JPH1: variants seen among roughly 807,000 people sequenced by gnomAD.
JPH1 encodes junctophilin 1.
In JPH1, 12 loss-of-function variants were observed where a neutral mutation model predicts 53.6. That is an observed-to-expected ratio of 0.22 (90% confidence interval 0.14 to 0.36). The LOEUF (loss-of-function observed/expected upper bound fraction) is 0.36. JPH1 is among the 10% of genes least tolerant of loss of function. The probability of loss-of-function intolerance (pLI) is 1.00; values close to 1 mark genes in which losing one functional copy is unlikely to be tolerated. For synonymous variants in JPH1, 375 were observed against 363.8 expected, an observed-to-expected ratio of 1.03 and a Z score of -0.35; for missense variants, 808 against 905.5, an observed-to-expected ratio of 0.89 and a Z score of 1.38.
intron 2 of JPH1, among the ~76,000 whole-genome samples, chr8:74,294,483 A>G (rs1421789276): frequency 6.6e-6 from 1 of 152,224 alleles, no homozygotes; most frequent in East Asian, 1.9e-4. Flanking sequence ...AGTCAAAATG[A>G]GCACTAGGCA....
chr8:74,303,816 C>A (rs1274327711), intron 2 of JPH1, among the ~76,000 whole-genome samples: 2 of 152,124 alleles, frequency 1.3e-5, no homozygotes, highest in East Asian at 3.9e-4. Context: ...CCACCTGCAG[C>A]CAGAGTGATC....
chr8:74,311,831 C>G (rs1808005650), intron 2 of JPH1, among the ~76,000 whole-genome samples: 1 of 152,046 alleles, frequency 6.6e-6, no homozygotes, highest in African/African-American at 2.4e-5. Context: ...TCATCCATGT[C>G]CCTACAAAGG....
At chr8:74,292,035 G>A (rs1266537472) in intron 2 of JPH1, among the ~76,000 whole-genome samples, 3 of 152,150 alleles carry the variant, frequency 2.0e-5, no homozygotes, top group Non-Finnish European at 4.4e-5. Context: ...GTGGGGTGGG[G>A]GAGGGGGCAG....
chr8:74,286,194 C>G (rs1038161743), intron 2 of JPH1, among the ~76,000 whole-genome samples: 1 of 152,216 alleles, frequency 6.6e-6, no homozygotes, highest in African/African-American at 2.4e-5. Context: ...TCACCTTACA[C>G]ATTTCCAAGT....
At chr8:74,311,065 A>C (rs772435790) in intron 2 of JPH1, among the ~76,000 whole-genome samples, 4 of 152,326 alleles carry the variant, frequency 2.6e-5, no homozygotes. Context: ...AGCTGGGACT[A>C]CAGGCGTATG....
Position 74,244,425 on chromosome 8 carries a change from C to A in JPH1, c.1905+104G>T, listed in dbSNP as rs947213149. 4.7e-6 allele frequency: 6 copies of A among 1,267,000 alleles called. No homozygotes were observed. The Admixed American group carries it at 1.4e-4, about 29-fold the overall frequency. 78.5% of individuals were successfully genotyped at this position (1,267,000 alleles called of 1,614,324 possible). A position where few individuals can be genotyped will look rare whatever the true frequency, so the allele number is the denominator to read the frequency against. On this transcript the variant is annotated intron_variant, in intron 4 of 5. Coordinates refer to ENST00000342232, the MANE Select transcript of JPH1 (RefSeq NM_020647.4). The stretch of plus-strand genomic sequence containing the variant: ...TCTAAACAACCCTGTGCTTCTAGAA[C>A]CTTGGTTAGCCTGGCTGTGATCAAG...
At chr8:74,278,529 A>C (rs909606449) in intron 2 of JPH1, among the ~76,000 whole-genome samples, 1 of 152,158 alleles carries the variant, frequency 6.6e-6, no homozygotes, top group African/African-American at 2.4e-5. Context: ...GAATGCTGCC[A>C]CCAGAAGACA....
At chr8:74,242,702 A>C (rs1167640509) in intron 4 of JPH1, among the ~76,000 whole-genome samples, 1 of 152,204 alleles carries the variant, frequency 6.6e-6, no homozygotes, top group Non-Finnish European at 1.5e-5. Context: ...TGAAGGTGTC[A>C]AGTCGGTCTT....
Position 74,315,559 on chromosome 8 carries a change from C to T in JPH1, c.441G>A (p.Val147=). The change falls in exon 2 of 6, where the codon GTG becomes GTA. Residue 147 remains valine (V), a synonymous_variant. Coordinates refer to ENST00000342232, the MANE Select transcript of JPH1 (RefSeq NM_020647.4). The surrounding 1 kb of genome is among the most constrained non-coding windows in gnomAD (Gnocchi z 6.3). The stretch of plus-strand genomic sequence containing the variant: ...GGATCACCGTGGCCATGCCGTAGGG[C>T]ACGCTCTGGCGCACGCCGTAGCCAT... The part of the protein sequence containing the change: ...MRHGYGVRQS[V]PYGMATVIRS... 6.2e-7 allele frequency: 1 copy of T among 1,605,942 alleles called. No individual in the cohort carries two copies. The highest frequency in any genetic ancestry group is 8.5e-7 in the Non-Finnish European group (1 of 1,178,454).
intron 2 of JPH1, among the ~76,000 whole-genome samples, chr8:74,303,728 C>T (rs1022947943): frequency 2.0e-5 from 3 of 152,036 alleles, no homozygotes; most frequent in Admixed American, 6.6e-5. Flanking sequence ...GGATTAAAGA[C>T]GTGAGCCACT....
Position 74,244,870 on chromosome 8 carries a change from C to G in JPH1, c.1564G>C (p.Glu522Gln). 6.2e-7 allele frequency: 1 copy of G among 1,614,178 alleles called. No homozygotes were observed. The highest frequency in any genetic ancestry group is 8.5e-7 in the Non-Finnish European group (1 of 1,180,038). Residue 522 changes from glutamate (E) to glutamine (Q), a missense_variant, in exon 4 of 6, where the codon GAG becomes CAG. This residue lies in a region of JPH1 where 756 missense variants were observed against 811.9 expected (regional missense o/e 0.93). Coordinates refer to ENST00000342232, the MANE Select transcript of JPH1 (RefSeq NM_020647.4). ...GACTGGGGCACAACCGCTCCTGCCTCCTTCGTGGGAGCCTTTGACATCAAG... is the reference window on the plus strand; with the variant it reads ...GACTGGGGCACAACCGCTCCTGCCTGCTTCGTGGGAGCCTTTGACATCAAG... ...KPLMSKAPTKEAGAVVPQSKY... is the reference protein window; with the variant it reads ...KPLMSKAPTKQAGAVVPQSKY...
chr8:74,246,437 C>T (rs1437891867), intron 3 of JPH1, among the ~76,000 whole-genome samples: 2 of 152,206 alleles, frequency 1.3e-5, no homozygotes, highest in Non-Finnish European at 2.9e-5. Flanking sequence ...TGCACACTTA[C>T]ACTTGTAATT....
intron 3 of JPH1, among the ~76,000 whole-genome samples, chr8:74,248,923 C>G (rs188445292): frequency 6.6e-6 from 1 of 152,274 alleles, no homozygotes; most frequent in Non-Finnish European, 1.5e-5. Flanking sequence ...TTGTTGCAGT[C>G]AGCATTTTCA....
intron 2 of JPH1, among the ~76,000 whole-genome samples, chr8:74,265,331 T>C (rs531346458): frequency 7.9e-5 from 12 of 152,310 alleles, no homozygotes; most frequent in Admixed American, 2.0e-4. Context: ...TAAGTACTTA[T>C]TTTTAATTAA....
intron 2 of JPH1, among the ~76,000 whole-genome samples, chr8:74,264,299 T>C (rs1806473521): frequency 6.6e-6 from 1 of 152,214 alleles, no homozygotes; most frequent in African/African-American, 2.4e-5. Flanking sequence ...ATGTTAATTT[T>C]CTCCATAAAT....
At chr8:74,256,916 T>C (rs937821592) in intron 3 of JPH1, among the ~76,000 whole-genome samples, 1 of 152,226 alleles carries the variant, frequency 6.6e-6, no homozygotes, top group Non-Finnish European at 1.5e-5. Context: ...TAACAACTTC[T>C]ATGCACGAAC....
rs1264391520 is a variant in JPH1 at position 74,235,504 on chromosome 8, A to C, written c.*1547T>G. ...AAAAGGTAGCTAATATGGTGTAAAAAAAAAAAAAAATCTGATTAAACCATG... is the reference window on the plus strand; with the variant it reads ...AAAAGGTAGCTAATATGGTGTAAAACAAAAAAAAAATCTGATTAAACCATG... On this transcript the variant is annotated 3_prime_UTR_variant, in exon 6 of 6. Transcript: ENST00000342232. 1 of 152,596 alleles carries C rather than the reference A, an allele frequency of 6.6e-6. No individual in the cohort carries two copies. The highest frequency in any genetic ancestry group is 1.5e-5 in the Non-Finnish European group (1 of 68,018). The allele number at this position is 152,596 out of a possible 1,614,324, so 9.5% of individuals were successfully genotyped here.
In JPH1 at chr8:74,244,843, T is replaced by C; in HGVS notation, c.1591A>G (p.Lys531Glu). Reference protein sequence around the residue: ...KEAGAVVPQSKYSGRHHIPNP... With the variant: ...KEAGAVVPQSEYSGRHHIPNP... ...GGGATGTGGTGGCGGCCAGAGTACTTGGACTGGGGCACAACCGCTCCTGCC... is the reference window on the plus strand; with the variant it reads ...GGGATGTGGTGGCGGCCAGAGTACTCGGACTGGGGCACAACCGCTCCTGCC... Residue 531 changes from lysine to glutamate, a missense_variant, in exon 4 of 6, where the codon AAG (lysine) becomes GAG (glutamate). Physicochemically the swap from Lys to Glu is moderately conservative, Grantham distance 56. Coordinates refer to ENST00000342232, the MANE Select transcript of JPH1 (RefSeq NM_020647.4). 6.2e-7 allele frequency: 1 copy of C among 1,614,130 alleles called. No individual in the cohort carries two copies. The highest frequency in any genetic ancestry group is 8.5e-7 in the Non-Finnish European group (1 of 1,180,008).
At chr8:74,258,228 A>G (rs2131392357) in intron 3 of JPH1, among the ~76,000 whole-genome samples, 1 of 152,298 alleles carries the variant, frequency 6.6e-6, no homozygotes, top group African/African-American at 2.4e-5. Context: ...AGTGTGGAAA[A>G]ATCCTTTACC....
Sources: allele counts gnomAD v4.1 joint callset (sites outside exome capture counted in the v4.1 genomes callset), GRCh38; gene constraint gnomAD v4.1.1; regional missense constraint gnomAD v4.1.1; non-coding constraint Gnocchi (gnomAD v3.1); transcripts MANE v1.5; gene names NCBI Gene and HGNC (gene_info 2026-07-23, HGNC 2026-07-21).